The following APLP2 variants were observed in gnomAD, a reference collection of about 807,000 sequenced individuals.
APLP2 encodes the protein amyloid beta precursor like protein 2, also known as CDEI box-binding protein.
In APLP2, 53 loss-of-function variants were observed where a neutral mutation model predicts 89.9. The observed-to-expected ratio is 0.59, with a 90% CI of 0.47 to 0.74. The LOEUF (loss-of-function observed/expected upper bound fraction) is 0.74, where lower values mean the gene tolerates loss of function less well. Among genes scored for constraint, APLP2 ranks in the 30% least tolerant of loss-of-function variants. The pLI, the probability that APLP2 is intolerant of heterozygous loss-of-function variation, is 0.00. For synonymous variants in APLP2, 372 were observed against 348.6 expected (o/e 1.07, Z -0.75); for missense variants, 973 against 975.9 (o/e 1.00, Z 0.04).
At chr11:130,083,290 C>G (rs1033469060) in intron 1 of APLP2, among the ~76,000 whole-genome samples, 1 of 152,022 alleles carries the variant, frequency 6.6e-6, no homozygotes. Context: ...CTGCCTTGGC[C>G]TCCCCAAGTG....
At chr11:130,133,973 G>A (rs545615675) in intron 12 of APLP2, among the ~76,000 whole-genome samples, 6 of 152,334 alleles carry the variant, frequency 3.9e-5, no homozygotes, top group African/African-American at 7.2e-5. Flanking sequence ...CTCTGTTAGC[G>A]GAAGAATATC....
At chr11:130,121,925 C>A (rs1217015882) in intron 5 of APLP2, 115 bp downstream of exon 5, 2 of 1,452,498 alleles carry the variant, frequency 1.4e-6, no homozygotes, top group East Asian at 2.3e-5. Flanking sequence ...TTCCTTTGTT[C>A]TGCTAGAGTT....
chr11:130,138,664 C>G (rs1160461338), intron 13 of APLP2: 1 of 145,870 alleles, frequency 6.9e-6, no homozygotes. Context: ...TGGCTCACTG[C>G]AGCCTCCTCC....
intron 9 of APLP2, 43 bp from the exon 10 acceptor site, chr11:130,129,004 CT>C (rs1427089825): frequency 1.3e-6 from 2 of 1,583,512 alleles, no homozygotes; most frequent in Admixed American, 3.4e-5. Flanking sequence ...TAGGCTTCCT[CT>C]GGGTGCCACA....
Position 130,141,949 on chromosome 11 carries a change from A to G in APLP2, c.2029A>G (p.Ser677Gly). The G allele has an allele frequency of 2.5e-6, 4 of 1,611,780 alleles. No homozygotes were observed. Among genetic ancestry groups the G allele is most frequent in the Non-Finnish European group, 3.4e-6 (4 of 1,178,138 alleles). ...CGTGGGCCCACTGCGGGAGGACTTC[A>G]GTCTGAGTAGCAGTGCTCTCATTGG... Reference protein sequence around the residue: ...ESVGPLREDFSLSSSALIGLL... With the variant: ...ESVGPLREDFGLSSSALIGLL... The change falls in exon 16 of 17, where the codon AGT (serine) becomes GGT (glycine). Residue 677 changes from serine to glycine, a missense_variant. By Grantham distance (56) the Ser-to-Gly change is moderately conservative. Transcript: ENST00000338167. This position sits in a 1 kb window ranked among gnomAD's most constrained non-coding sequence, Gnocchi z 4.2.
intron 1 of APLP2, chr11:130,102,063 T>C (rs1947007615): frequency 2.3e-6 from 1 of 443,168 alleles, no homozygotes; most frequent in South Asian, 1.6e-5. Flanking sequence ...GCTAATATCT[T>C]TGGGGAGATA....
chr11:130,080,766 G>T (rs1591760832), intron 1 of APLP2, among the ~76,000 whole-genome samples: 1 of 132,602 alleles, frequency 7.5e-6, no homozygotes, highest in African/African-American at 3.4e-5. Flanking sequence ...GCGTGATCTC[G>T]GCTCACTGCA....
At chr11:130,122,178 A>G in intron 5 of APLP2, 127 bp from the exon 6 acceptor site, 1 of 1,138,948 alleles carries the variant, frequency 8.8e-7, no homozygotes, top group Non-Finnish European at 1.3e-6. Context: ...GCTTAGTGGC[A>G]CGGTGAAATG....
At chr11:130,120,913 AT>A (rs1421692381) in intron 4 of APLP2, 95 bp downstream of exon 4, 6 of 850,896 alleles carry the variant, frequency 7.1e-6, no homozygotes, top group Admixed American at 2.0e-5. Flanking sequence ...TAAGTTAGTT[AT>A]GTTTCCCCCA....
At chr11:130,137,647 T>C (rs1392751013) in intron 13 of APLP2, among the ~76,000 whole-genome samples, 1 of 152,268 alleles carries the variant, frequency 6.6e-6, no homozygotes, top group Non-Finnish European at 1.5e-5. Context: ...TGTCTCCGTA[T>C]AAATATGCCT....
Position 130,126,693 on chromosome 11 carries a change from G to A in APLP2, c.1091-7G>A. The A allele has an allele frequency of 6.2e-7, 1 of 1,613,532 alleles. No homozygotes were observed. Among genetic ancestry groups the A allele is most frequent in the Non-Finnish European group, 8.5e-7 (1 of 1,179,490 alleles). Reference sequence around the variant, plus strand: ...CAAAGAGAACTCCCTCTGTAATTTTGTTTCAGTTCCTCCAACTCCTCTGCC... The same window carrying A: ...CAAAGAGAACTCCCTCTGTAATTTTATTTCAGTTCCTCCAACTCCTCTGCC... On this transcript the variant is annotated splice_region_variant and splice_polypyrimidine_tract_variant and intron_variant, in intron 7 of 16. Transcript: ENST00000338167.
chr11:130,102,247 A>G (rs1460716147), intron 1 of APLP2, among the ~76,000 whole-genome samples: 2 of 152,184 alleles, frequency 1.3e-5, no homozygotes, highest in Non-Finnish European at 2.9e-5. Flanking sequence ...CTTTTAACAG[A>G]TGGTCCTTTT....
At chr11:130,135,247 A>G (rs183153963) in intron 12 of APLP2, among the ~76,000 whole-genome samples, 24 of 152,302 alleles carry the variant, frequency 1.6e-4, no homozygotes, top group African/African-American at 5.8e-4. Context: ...TTGCTTGACT[A>G]TGGAAATCAT....
At chr11:130,143,200 G>A (rs1347221626) in intron 16 of APLP2, 147 bp from the exon 17 acceptor site, 22 of 660,594 alleles carry the variant, frequency 3.3e-5, no homozygotes, top group Non-Finnish European at 4.8e-5. Context: ...TTTCACCACC[G>A]GTTCTCATTT....
chr11:130,093,348 G>C (rs939590131), intron 1 of APLP2, among the ~76,000 whole-genome samples: 2 of 152,208 alleles, frequency 1.3e-5, no homozygotes, highest in Non-Finnish European at 2.9e-5. Context: ...TGAAGGCAAT[G>C]TAGGGAATAG....
At chr11:130,121,589 G>C in intron 4 of APLP2, 25 bp from the exon 5 acceptor site, 1 of 1,603,996 alleles carries the variant, frequency 6.2e-7, no homozygotes, top group Non-Finnish European at 8.5e-7. Flanking sequence ...AGTATGTTCT[G>C]ATGTGGCCTG....
In APLP2 at chr11:130,083,026, C is replaced by CTTTTTTTTTTTTTTTTTTTTTTTTTTTT. The variant is rs553962550; in HGVS notation, c.105+12971_105+12972insTTTTTTTTTTTTTTTTTTTTTTTTTTTT. 2.2e-4 allele frequency among the ~76,000 whole-genome samples: 16 copies of CTTTTTTTTTTTTTTTTTTTTTTTTTTTT among 72,522 alleles called. 3 individuals carry two copies. Among genetic ancestry groups the CTTTTTTTTTTTTTTTTTTTTTTTTTTTT allele is most frequent in the African/African-American group, 8.8e-4 (14 of 15,892 alleles). The allele number at this position is 72,522 out of a possible 152,430, so 47.6% of individuals were successfully genotyped here. A position where few individuals can be genotyped will look rare whatever the true frequency, so the allele number is the denominator to read the frequency against. On this transcript the variant is annotated intron_variant, in intron 1 of 16. Coordinates refer to ENST00000338167, the MANE Select transcript of APLP2 (RefSeq NM_001142276.2). The stretch of plus-strand genomic sequence containing the variant: ...TATTAACCACTGAAACTTTTCTTTT[C>CTTTTTTTTTTTTTTTTTTTTTTTTTTTT]TTTTTTTTTTTTTTTTTTTTTTTTT...
intron 1 of APLP2, among the ~76,000 whole-genome samples, chr11:130,082,222 C>T (rs1443617145): frequency 3.3e-5 from 5 of 151,548 alleles, no homozygotes; most frequent in South Asian, 4.2e-4. Context: ...CTGCTCTTGT[C>T]GCCCAGGCTG....
chr11:130,134,713 T>G (rs1353566884), intron 12 of APLP2, among the ~76,000 whole-genome samples: 1 of 151,516 alleles, frequency 6.6e-6, no homozygotes, highest in Non-Finnish European at 1.5e-5. Flanking sequence ...GGTGACGGGG[T>G]AGGAGAAGGA....
Sources: gnomAD v4.1 joint callset for allele counts (sites outside exome capture counted in the v4.1 genomes callset) on GRCh38, gnomAD v4.1.1 for gene constraint, Gnocchi (gnomAD v3.1) non-coding constraint, MANE v1.5 for transcripts, NCBI Gene and HGNC (gene_info 2026-07-23, HGNC 2026-07-21) for gene names.